The following DDHD1 variants were observed in gnomAD, a reference collection of about 807,000 sequenced individuals.
The protein encoded by DDHD1 is DDHD domain containing 1.
Under a neutral mutation model 96.4 loss-of-function variants are expected in DDHD1, and 49 were observed. The observed-to-expected ratio is 0.51, with a 90% CI of 0.40 to 0.64. The LOEUF is 0.64. Among genes scored for constraint, DDHD1 ranks in the 30% least tolerant of loss-of-function variants. DDHD1 has a pLI of 0.00. For synonymous variants in DDHD1, 442 were observed against 446.5 expected (o/e 0.99, Z 0.13); for missense variants, 1,106 against 1,161.2 (o/e 0.95, Z 0.69).
At chr14:53,078,835 C>T (rs1326769646) in intron 4 of DDHD1, among the ~76,000 whole-genome samples, 2 of 152,188 alleles carry the variant, frequency 1.3e-5, no homozygotes, top group Non-Finnish European at 2.9e-5. Context: ...AGTTTAGCCA[C>T]AGGCTTTTTG....
At chr14:53,136,687 A>G (rs1005341545) in intron 1 of DDHD1, among the ~76,000 whole-genome samples, 7 of 152,182 alleles carry the variant, frequency 4.6e-5, no homozygotes, top group Non-Finnish European at 1.0e-4. Context: ...AACCTAATCC[A>G]AGAGGCAGTG....
intron 4 of DDHD1, among the ~76,000 whole-genome samples, chr14:53,082,758 C>CA (rs11368593): frequency 0.085 from 8,372 of 98,730 alleles, 745 homozygotes; most frequent in African/African-American, 0.23. Flanking sequence ...GACTCTATCT[C>CA]AAAAAAAAAA....
At chr14:53,051,656 C>T (rs1047724590) in intron 12 of DDHD1, among the ~76,000 whole-genome samples, 188 bp downstream of exon 12, 1 of 151,842 alleles carries the variant, frequency 6.6e-6, no homozygotes, top group Non-Finnish European at 1.5e-5. Flanking sequence ...AGTCAATTTT[C>T]AGGTTTCAGA....
chr14:53,138,996 T>C (rs546808674), intron 1 of DDHD1, among the ~76,000 whole-genome samples: 6 of 150,408 alleles, frequency 4.0e-5, no homozygotes, highest in African/African-American at 1.5e-4. Flanking sequence ...CTATCTCACC[T>C]AAGGAATGAA....
At chr14:53,139,261 C>T (rs1199946404) in intron 1 of DDHD1, among the ~76,000 whole-genome samples, 3 of 152,048 alleles carry the variant, frequency 2.0e-5, no homozygotes, top group Non-Finnish European at 2.9e-5. Context: ...ACCAGAACAA[C>T]AGAGAATGTC....
intron 11 of DDHD1, among the ~76,000 whole-genome samples, 171 bp from the exon 12 acceptor site, chr14:53,052,098 T>C (rs1182766130): frequency 6.6e-6 from 1 of 151,992 alleles, no homozygotes; most frequent in African/African-American, 2.4e-5. Flanking sequence ...TCATGGAAAA[T>C]GTAAGCATAA....
At chr14:53,129,649 C>T (rs1423031249) in intron 1 of DDHD1, among the ~76,000 whole-genome samples, 1 of 146,598 alleles carries the variant, frequency 6.8e-6, no homozygotes, top group East Asian at 1.9e-4. Context: ...TGTCTCTACC[C>T]TCTCTTTTCT....
chr14:53,063,174 C>G lies in DDHD1; in HGVS notation c.1535G>C (p.Arg512Pro). The G allele has an allele frequency of 3.7e-6, 6 of 1,613,760 alleles. No homozygotes were observed. The highest frequency in any genetic ancestry group is 5.1e-6 in the Non-Finnish European group (6 of 1,179,958). ...LVKGLQQELNRLYSLFCSRNP... is the reference protein window; with the variant it reads ...LVKGLQQELNPLYSLFCSRNP... Reference sequence around the variant, plus strand: ...CCGAGAACAGAAAAGGGAATACAATCGATTCAGCTCTTGCTGAAGGCCTTT... The same window carrying G: ...CCGAGAACAGAAAAGGGAATACAATGGATTCAGCTCTTGCTGAAGGCCTTT... Residue 512 changes from arginine (R) to proline (P), a missense_variant, in exon 7 of 13, where the codon CGA (arginine) becomes CCA (proline). Around this residue, in one of 2 missense-constraint regions of DDHD1, gnomAD observed 650 missense variants for 758.8 expected, o/e 0.86. Transcript: ENST00000673822.
chr14:53,120,147 C>T (rs983179953), intron 1 of DDHD1, among the ~76,000 whole-genome samples: 1 of 152,180 alleles, frequency 6.6e-6, no homozygotes, highest in Admixed American at 6.5e-5. Context: ...CATTCTTATA[C>T]ACCAATAATA....
intron 4 of DDHD1, among the ~76,000 whole-genome samples, chr14:53,081,781 AATTCTCAAATG>A: frequency 6.6e-6 from 1 of 152,370 alleles, no homozygotes; most frequent in Non-Finnish European, 1.5e-5. Flanking sequence ...TCGCTATCAT[AATTCTCAAATG>A]ATTAAAAACT....
Position 53,123,115 on chromosome 14 carries a change from G to GTTATTATTA in DDHD1, c.839-19268_839-19260dup, listed in dbSNP as rs139846735. Among the ~76,000 whole-genome samples, 644 of 138,444 alleles carry GTTATTATTA rather than the reference G, an allele frequency of 4.7e-3. 6 individuals are homozygous for GTTATTATTA. Among genetic ancestry groups the GTTATTATTA allele is most frequent in the African/African-American group, 0.013 (479 of 37,238 alleles). 90.8% of individuals were successfully genotyped at this position (138,444 alleles called of 152,430 possible). On this transcript the variant is annotated intron_variant, in intron 1 of 12. Transcript: ENST00000673822. ...GACACAAATGTACCAGATAATTGCT[G>GTTATTATTA]TTATTATTATTATTATTATTATTAT...
chr14:53,104,868 A>G (rs1317556743), intron 1 of DDHD1, among the ~76,000 whole-genome samples: 1 of 152,086 alleles, frequency 6.6e-6, no homozygotes, highest in Non-Finnish European at 1.5e-5. Flanking sequence ...TATAAAGAGA[A>G]ATTATTTCAA....
At chr14:53,077,789 C>T (rs111950679) in intron 4 of DDHD1, among the ~76,000 whole-genome samples, 1,904 of 151,866 alleles carry the variant, frequency 0.013, 44 homozygotes, top group African/African-American at 0.044. Context: ...TACCCATTAG[C>T]AGTCACTCTC....
chr14:53,065,779 T>C (rs932073062), intron 6 of DDHD1, among the ~76,000 whole-genome samples: 3 of 152,240 alleles, frequency 2.0e-5, no homozygotes, highest in Non-Finnish European at 4.4e-5. Flanking sequence ...TCTACCTTAG[T>C]GCATATCTCC....
At chr14:53,066,843 C>T (rs944390946) in intron 6 of DDHD1, among the ~76,000 whole-genome samples, 1 of 151,382 alleles carries the variant, frequency 6.6e-6, no homozygotes, top group Admixed American at 6.6e-5. Flanking sequence ...GGCTCGTGCC[C>T]GTAGTCCCAG....
At chr14:53,128,801 C>T (rs1040766278) in intron 1 of DDHD1, among the ~76,000 whole-genome samples, 3 of 152,200 alleles carry the variant, frequency 2.0e-5, no homozygotes, top group African/African-American at 7.2e-5. Flanking sequence ...TGCAGGTATA[C>T]ATCCAGATGG....
intron 1 of DDHD1, 111 bp downstream of exon 1, chr14:53,152,147 ACGC>A: frequency 1.8e-6 from 2 of 1,090,646 alleles, no homozygotes; most frequent in Non-Finnish European, 1.3e-6. Context: ...CCCCAGCCAA[ACGC>A]CAGGCCTCAC....
At chr14:53,086,254 C>T (rs994938512) in intron 4 of DDHD1, among the ~76,000 whole-genome samples, 1 of 152,120 alleles carries the variant, frequency 6.6e-6, no homozygotes, top group African/African-American at 2.4e-5. Context: ...GAGAACTTCC[C>T]CAACCTAGCA....
intron 1 of DDHD1, 70 bp from the exon 2 acceptor site, chr14:53,103,926 A>G (rs968836087): frequency 8.7e-5 from 123 of 1,405,898 alleles, no homozygotes; most frequent in Non-Finnish European, 1.1e-4. Flanking sequence ...CACAGTATCT[A>G]CAATCTTATA....
Sources: gnomAD v4.1 joint callset for allele counts (sites outside exome capture counted in the v4.1 genomes callset) on GRCh38, gnomAD v4.1.1 for gene constraint, gnomAD v4.1.1 regional missense constraint, MANE v1.5 for transcripts, NCBI Gene and HGNC (gene_info 2026-07-23, HGNC 2026-07-21) for gene names.